The following NEBL variants were observed in gnomAD, a reference collection of about 807,000 sequenced individuals.
NEBL encodes nebulette.
A neutral mutation model predicts 140.2 loss-of-function variants in NEBL; 122 were observed. The observed-to-expected ratio is 0.87, with a 90% CI of 0.75 to 1.01. NEBL has a LOEUF of 1.01. Ranked by LOEUF, NEBL falls within the 50% of genes least tolerant of loss-of-function variation. The pLI is 0.00. For synonymous variants in NEBL, 436 were observed against 398.9 expected, an observed-to-expected ratio of 1.09 and a Z score of -1.11; for missense variants, 1,365 against 1,231.3, an observed-to-expected ratio of 1.11 and a Z score of -1.62.
chr10:21,066,017 C>T (rs1414647647), intron 2 of NEBL, among the ~76,000 whole-genome samples: 1 of 152,224 alleles, frequency 6.6e-6, no homozygotes, highest in Non-Finnish European at 1.5e-5. Context: ...ATCCTCAATT[C>T]ACCCTCCTCT....
At chr10:20,879,489 G>A (rs1845818081) in intron 5 of NEBL, among the ~76,000 whole-genome samples, 1 of 152,214 alleles carries the variant, frequency 6.6e-6, no homozygotes, top group East Asian at 1.9e-4. Flanking sequence ...GCATATGTTT[G>A]TATATTTGGG....
chr10:21,135,464 T>G (rs904009502), intron 2 of NEBL, among the ~76,000 whole-genome samples: 29 of 150,804 alleles, frequency 1.9e-4, no homozygotes, highest in Admixed American at 7.9e-4. Flanking sequence ...CAATGATGCT[T>G]GACATCATAA....
At chr10:21,138,194 C>A (rs1236636350) in intron 2 of NEBL, among the ~76,000 whole-genome samples, 1 of 152,130 alleles carries the variant, frequency 6.6e-6, no homozygotes, top group Non-Finnish European at 1.5e-5. Context: ...GGACAACGGA[C>A]AGCACTGTCC....
intron 4 of NEBL, among the ~76,000 whole-genome samples, chr10:20,939,219 G>C (rs983509927): frequency 4.6e-5 from 7 of 152,210 alleles, no homozygotes; most frequent in Non-Finnish European, 8.8e-5. Flanking sequence ...ATGCCCATCA[G>C]ACTAACAGCT....
intron 3 of NEBL, among the ~76,000 whole-genome samples, chr10:20,997,723 C>A (rs909280553): frequency 3.9e-5 from 6 of 152,050 alleles, no homozygotes; most frequent in African/African-American, 1.4e-4. Context: ...ATAATAGCTT[C>A]AGTGGTAATG....
At chr10:20,935,430 T>C (rs1031438373) in intron 4 of NEBL, among the ~76,000 whole-genome samples, 3 of 152,160 alleles carry the variant, frequency 2.0e-5, no homozygotes, top group Admixed American at 6.5e-5. Flanking sequence ...AAGCACCACA[T>C]GGAAGAATGC....
intron 5 of NEBL, among the ~76,000 whole-genome samples, chr10:20,872,851 G>C (rs985302552): frequency 3.3e-5 from 5 of 152,162 alleles, no homozygotes; most frequent in African/African-American, 1.2e-4. Context: ...GTCTAAAAAG[G>C]GGAGGCATGA....
intron 2 of NEBL, among the ~76,000 whole-genome samples, chr10:21,067,193 G>A (rs1029925399): frequency 1.3e-5 from 2 of 151,892 alleles, no homozygotes; most frequent in South Asian, 2.1e-4. Flanking sequence ...GGATGGTCTC[G>A]ATCTCCTGAC....
At chr10:21,011,243 T>A (rs1181581522) in intron 3 of NEBL, among the ~76,000 whole-genome samples, 1 of 152,204 alleles carries the variant, frequency 6.6e-6, no homozygotes, top group African/African-American at 2.4e-5. Context: ...GTGGCTGGTC[T>A]AGTGCTATAT....
At chr10:21,017,393 C>G (rs550117) in intron 3 of NEBL, among the ~76,000 whole-genome samples, 91,033 of 151,918 alleles carry the variant, frequency 0.6, 29,825 homozygotes, top group African/African-American at 0.86. Context: ...TTCTAAAGAA[C>G]ACGACATTTG....
In NEBL at chr10:20,887,411, C is replaced by CTT. The variant is rs36034071; in HGVS notation, c.369+684_369+685dup. On this transcript the variant is annotated intron_variant, in intron 4 of 27. Transcript: ENST00000377122. ...CAGATCTGTGGATCCTGAATTCAAC[C>CTT]TTTTTTTTTTTTTTTTTTTTTTTTT... 7.9e-3 allele frequency among the ~76,000 whole-genome samples: 636 copies of CTT among 80,606 alleles called. 9 individuals carry two copies. Among genetic ancestry groups the CTT allele is most frequent in the African/African-American group, 0.015 (298 of 20,390 alleles). 52.9% of individuals were successfully genotyped at this position (80,606 alleles called of 152,430 possible). A position where few individuals can be genotyped will look rare whatever the true frequency, so the allele number is the denominator to read the frequency against.
chr10:20,788,031 A>G (rs1368653497), intron 26 of NEBL, among the ~76,000 whole-genome samples: 1 of 152,182 alleles, frequency 6.6e-6, no homozygotes, highest in Non-Finnish European at 1.5e-5. Context: ...TTCATTTAGT[A>G]TGTGCTCTCC....
intron 2 of NEBL, among the ~76,000 whole-genome samples, chr10:21,099,667 T>C (rs958356486): frequency 5.3e-5 from 8 of 152,236 alleles, no homozygotes; most frequent in Non-Finnish European, 1.2e-4. Context: ...ATATCTCATA[T>C]GAGTGGCCAG....
rs573520358 is a variant in NEBL, at chr10:21,095,068, T to C, written c.165-74867A>G. Among the ~76,000 whole-genome samples the C allele has an allele frequency of 9.3e-4, 141 of 152,302 alleles. 1 individual carries two copies. The highest frequency in any genetic ancestry group is 3.2e-3 in the African/African-American group (131 of 41,574). ...GAACCACCTGCATCCCATTGAGAAC[T>C]CACTTAGATAGAAAGGTTTGTTTCC... On this transcript the variant is annotated intron_variant, in intron 2 of 6. Coordinates refer to the NEBL transcript ENST00000417816.
At chr10:21,259,328 G>A (rs1842706612) in intron 1 of NEBL, among the ~76,000 whole-genome samples, 1 of 152,086 alleles carries the variant, frequency 6.6e-6, no homozygotes, top group Non-Finnish European at 1.5e-5. Context: ...TCATCACTAG[G>A]CTGTGCCCAT....
chr10:21,227,597 G>C (rs184643153), intron 3 of NEBL, among the ~76,000 whole-genome samples: 1 of 152,198 alleles, frequency 6.6e-6, no homozygotes, highest in Admixed American at 6.5e-5. Context: ...CTTTTTCAAG[G>C]TGCATTTTAC....
chr10:20,853,546 A>G (rs1467885702), intron 9 of NEBL, among the ~76,000 whole-genome samples: 1 of 152,218 alleles, frequency 6.6e-6, no homozygotes, highest in Non-Finnish European at 1.5e-5. Flanking sequence ...GTTAAGTGAA[A>G]TAAGCCAGGC....
intron 3 of NEBL, among the ~76,000 whole-genome samples, chr10:21,227,744 C>CT (rs1372432730): frequency 1.4e-5 from 2 of 140,306 alleles, no homozygotes; most frequent in African/African-American, 5.6e-5. Context: ...TCTTCTTCTT[C>CT]TTCTTCTTCT....
chr10:20,785,913 C>T lies in NEBL; in HGVS notation c.2879G>A (p.Arg960Gln). Residue 960 changes from arginine (R) to glutamine (Q), a missense_variant, in exon 28 of 28, where the codon CGA becomes CAA. Coordinates refer to ENST00000377122, the MANE Select transcript of NEBL (RefSeq NM_006393.3). ...MQHSPNLRTY[R>Q]AMYDYSAQDE... ...CTGGGCACTGTAATCGTACATGGCT[C>T]GGTAGGTCCTCTGAGAAAGGAAGAA... 2 of 1,613,832 alleles carry T rather than the reference C, an allele frequency of 1.2e-6. No individual in the cohort carries two copies. The highest frequency in any genetic ancestry group is 8.5e-7 in the Non-Finnish European group (1 of 1,179,850).
Sources: allele counts gnomAD v4.1 joint callset (sites outside exome capture counted in the v4.1 genomes callset), GRCh38; gene constraint gnomAD v4.1.1; transcripts MANE v1.5; gene names NCBI Gene and HGNC (gene_info 2026-07-23, HGNC 2026-07-21).